The following PRAG1 variants were observed in gnomAD, a reference collection of about 807,000 sequenced individuals.
The protein encoded by PRAG1 is inactive tyrosine-protein kinase PRAG1.
In PRAG1, 110 loss-of-function variants were observed where a neutral mutation model predicts 95.6. The ratio of observed to expected loss-of-function variants is 1.15; its 90% CI spans 0.99 to 1.35. The LOEUF is 1.35. Ranked by LOEUF, PRAG1 falls within the 40% of genes most tolerant of loss-of-function variation. The pLI is 0.00. For synonymous variants in PRAG1, 1,052 were observed against 819.4 expected, an observed-to-expected ratio of 1.28 and a Z score of -4.85; for missense variants, 2,554 against 1,864.7, an observed-to-expected ratio of 1.37 and a Z score of -6.81.
chr8:8,385,933 C>T (rs1206164657), intron 1 of PRAG1, among the ~76,000 whole-genome samples: 1 of 152,106 alleles, frequency 6.6e-6, no homozygotes, highest in Admixed American at 6.5e-5. Context: ...CCGTCTCTCC[C>T]CCTTGACAAT....
chr8:8,345,333 C>T (rs1799302191), intron 3 of PRAG1, among the ~76,000 whole-genome samples: 2 of 147,220 alleles, frequency 1.4e-5, no homozygotes, highest in African/African-American at 5.1e-5. Context: ...AAGTTTGATA[C>T]CAGCCTAAGC....
chr8:8,353,828 AAAG>A (rs1224360163), intron 3 of PRAG1, among the ~76,000 whole-genome samples: 19 of 151,980 alleles, frequency 1.3e-4, no homozygotes, highest in Admixed American at 9.8e-4. Context: ...AGATGAAGAA[AAAG>A]AAGAAGAAGA....
intron 5 of PRAG1, among the ~76,000 whole-genome samples, chr8:8,322,815 G>A (rs1011155168): frequency 2.0e-5 from 3 of 152,096 alleles, no homozygotes; most frequent in African/African-American, 2.4e-5. Context: ...ATCCACCGAC[G>A]ACTTGGAAGC....
chr8:8,347,254 C>G (rs1431205405), intron 3 of PRAG1, among the ~76,000 whole-genome samples: 1 of 152,172 alleles, frequency 6.6e-6, no homozygotes, highest in Non-Finnish European at 1.5e-5. Context: ...AGGGGCAGCC[C>G]TTGGGTGTGA....
intron 5 of PRAG1, among the ~76,000 whole-genome samples, chr8:8,321,160 C>G (rs1039006002): frequency 6.6e-6 from 1 of 152,232 alleles, no homozygotes; most frequent in African/African-American, 2.4e-5. Context: ...TCACAGCTCA[C>G]TGCGGTTTTG....
chr8:8,349,072 G>C (rs1799435567), intron 3 of PRAG1, among the ~76,000 whole-genome samples: 1 of 152,180 alleles, frequency 6.6e-6, no homozygotes, highest in African/African-American at 2.4e-5. Context: ...AGATTCAATA[G>C]CTGAAACTTT....
chr8:8,342,489 C>A (rs1324935901), intron 3 of PRAG1, among the ~76,000 whole-genome samples: 2 of 152,120 alleles, frequency 1.3e-5, no homozygotes, highest in African/African-American at 4.8e-5. Flanking sequence ...AGCCACCGCG[C>A]CCGGCCTTAT....
intron 3 of PRAG1, among the ~76,000 whole-genome samples, chr8:8,360,793 G>T (rs1420649458): frequency 6.6e-6 from 1 of 152,048 alleles, no homozygotes; most frequent in African/African-American, 2.4e-5. Flanking sequence ...AAGATTTTGG[G>T]TTCAGGGTGC....
chr8:8,378,796 G>C (rs57612430), intron 2 of PRAG1, among the ~76,000 whole-genome samples: 1 of 152,078 alleles, frequency 6.6e-6, no homozygotes, highest in Non-Finnish European at 1.5e-5. Flanking sequence ...AGGAGGCGGA[G>C]GTTGCAGTGA....
intron 3 of PRAG1, among the ~76,000 whole-genome samples, chr8:8,369,911 C>T (rs1025095876): frequency 1.3e-5 from 2 of 152,130 alleles, no homozygotes; most frequent in African/African-American, 2.4e-5. Flanking sequence ...CAAGCTTTGA[C>T]AGTCATATTG....
At chr8:8,378,666 C>A (rs1384699311) in intron 2 of PRAG1, among the ~76,000 whole-genome samples, 1 of 151,894 alleles carries the variant, frequency 6.6e-6, no homozygotes, top group Non-Finnish European at 1.5e-5. Flanking sequence ...TCAAGACGAG[C>A]CTGGGCAACA....
chr8:8,383,828 C>T (rs1475186018), intron 1 of PRAG1, among the ~76,000 whole-genome samples: 2 of 152,092 alleles, frequency 1.3e-5, no homozygotes, highest in Non-Finnish European at 2.9e-5. Flanking sequence ...CAGGTTTTGT[C>T]TTTCTCTTAT....
In PRAG1 at chr8:8,377,899, G is replaced by A. The variant is rs757250127; in HGVS notation, c.510C>T (p.Arg170=). Residue 170 remains arginine (R), a synonymous_variant, in exon 3 of 6, where the codon CGC becomes CGT. Transcript: ENST00000615670. The part of the protein sequence containing the change: ...TMVGLHNLEP[R]GERNIAFHPV... Reference sequence around the variant, plus strand: ...GGTGGAAGGCAATGTTCCTCTCGCCGCGGGGCTCAAGGTTGTGCAGGCCGA... The same window carrying A: ...GGTGGAAGGCAATGTTCCTCTCGCCACGGGGCTCAAGGTTGTGCAGGCCGA... 1.6e-5 allele frequency: 26 copies of A among 1,613,976 alleles called. No individual in the cohort carries two copies. The highest frequency in any genetic ancestry group is 2.2e-5 in the East Asian group (1 of 44,872).
At chr8:8,359,824 G>A (rs1296188266) in intron 3 of PRAG1, among the ~76,000 whole-genome samples, 1 of 152,088 alleles carries the variant, frequency 6.6e-6, no homozygotes, top group Non-Finnish European at 1.5e-5. Flanking sequence ...AAACCTTTTG[G>A]ACCAACTTGC....
At chr8:8,357,545 T>C (rs1799719801) in intron 3 of PRAG1, among the ~76,000 whole-genome samples, 1 of 152,218 alleles carries the variant, frequency 6.6e-6, no homozygotes, top group Non-Finnish European at 1.5e-5. Context: ...AAACAAGTTT[T>C]GAAGACACAT....
chr8:8,345,046 GGTGTGTGT>G (rs57329300), intron 3 of PRAG1, among the ~76,000 whole-genome samples: 1,720 of 134,028 alleles, frequency 0.013, 39 homozygotes, highest in African/African-American at 0.043. Flanking sequence ...TTATCCGCAG[GGTGTGTGT>G]GTGTGTGTGT....
intron 3 of PRAG1, 37 bp from the exon 4 acceptor site, chr8:8,339,672 T>C (rs750704639): frequency 1.9e-5 from 30 of 1,582,124 alleles, no homozygotes; most frequent in African/African-American, 2.7e-5. Context: ...AAATAACTCA[T>C]TGGATTTCCA....
intron 4 of PRAG1, among the ~76,000 whole-genome samples, chr8:8,337,637 G>A (rs1305294232): frequency 3.9e-5 from 6 of 152,158 alleles, no homozygotes; most frequent in Non-Finnish European, 8.8e-5. Context: ...ATATCTTCTT[G>A]TTGGTCTGGG....
chr8:8,379,633 C>T (rs905287286), intron 2 of PRAG1, among the ~76,000 whole-genome samples: 3 of 152,242 alleles, frequency 2.0e-5, no homozygotes, highest in African/African-American at 7.2e-5. Flanking sequence ...ACACAGCCTT[C>T]CTGACCTACT....
Sources: allele counts gnomAD v4.1 joint callset (sites outside exome capture counted in the v4.1 genomes callset), GRCh38; gene constraint gnomAD v4.1.1; transcripts MANE v1.5; gene names NCBI Gene and HGNC (gene_info 2026-07-23, HGNC 2026-07-21).